The following COL24A1 variants were observed in gnomAD, a reference collection of about 807,000 sequenced individuals.
COL24A1 encodes collagen alpha-1(XXIV) chain.
Under a neutral mutation model 253.9 loss-of-function variants are expected in COL24A1, and 224 were observed. The ratio of observed to expected loss-of-function variants is 0.88; its 90% CI spans 0.79 to 0.99. The LOEUF (loss-of-function observed/expected upper bound fraction) is 0.99, where lower values mean the gene tolerates loss of function less well. Ranked by LOEUF, COL24A1 falls within the 50% of genes least tolerant of loss-of-function variation. The pLI is 0.00. For missense variants in COL24A1, 2,131 were observed against 2,068.5 expected, an observed-to-expected ratio of 1.03 and a Z score of -0.59; for synonymous variants, 685 against 673.7, an observed-to-expected ratio of 1.02 and a Z score of -0.26.
chr1:85,854,225 T>C (rs1384940453), intron 37 of COL24A1, among the ~76,000 whole-genome samples: 1 of 152,218 alleles, frequency 6.6e-6, no homozygotes, highest in Non-Finnish European at 1.5e-5. Context: ...TAGGGTAAAC[T>C]TTCCCCATTG....
intron 1 of COL24A1, among the ~76,000 whole-genome samples, chr1:86,152,632 GCAAGGGAGATAAATGCTTA>G (rs1465885835): frequency 6.6e-6 from 1 of 152,188 alleles, no homozygotes; most frequent in Non-Finnish European, 1.5e-5. Flanking sequence ...TTCATGCAGT[GCAAGGGAGATAAATGCTTA>G]AGAACTTCAT....
At chr1:85,935,001 C>A (rs1444496702) in intron 24 of COL24A1, among the ~76,000 whole-genome samples, 2 of 151,398 alleles carry the variant, frequency 1.3e-5, no homozygotes, top group Non-Finnish European at 2.9e-5. Flanking sequence ...GTTTCAAGAT[C>A]CAGACAACCA....
chr1:85,924,423 A>G (rs527548715), intron 24 of COL24A1, among the ~76,000 whole-genome samples: 9 of 152,360 alleles, frequency 5.9e-5, no homozygotes, highest in African/African-American at 1.7e-4. Context: ...AATCCTCAAT[A>G]AAATACTTTC....
intron 28 of COL24A1, among the ~76,000 whole-genome samples, chr1:85,901,408 T>G (rs1483882895): frequency 6.6e-6 from 1 of 152,146 alleles, no homozygotes; most frequent in African/African-American, 2.4e-5. Context: ...TCAATAGCTA[T>G]TGGCCAGGAT....
intron 22 of COL24A1, among the ~76,000 whole-genome samples, chr1:85,966,403 T>C (rs1691577333): frequency 6.6e-6 from 1 of 152,124 alleles, no homozygotes; most frequent in Non-Finnish European, 1.5e-5. Flanking sequence ...AAATTCTTTC[T>C]AATCAGTAGA....
chr1:85,954,747 T>C (rs78444472), intron 24 of COL24A1, among the ~76,000 whole-genome samples: 2 of 152,148 alleles, frequency 1.3e-5, no homozygotes, highest in Non-Finnish European at 2.9e-5. Context: ...ATAGAAGGTA[T>C]ACAACAGCTT....
chr1:85,877,417 C>T (rs529418123), intron 32 of COL24A1, among the ~76,000 whole-genome samples: 3 of 152,274 alleles, frequency 2.0e-5, no homozygotes, highest in Admixed American at 6.5e-5. Context: ...GGCTGAAGTG[C>T]AATGGTGCAG....
At chr1:85,852,098 G>A (rs1677833623) in intron 37 of COL24A1, among the ~76,000 whole-genome samples, 1 of 151,914 alleles carries the variant, frequency 6.6e-6, no homozygotes, top group Non-Finnish European at 1.5e-5. Flanking sequence ...TGCGGGGTGT[G>A]TGTTTGTGTG....
chr1:86,099,300 G>A (rs12135627), intron 5 of COL24A1, among the ~76,000 whole-genome samples: 4,564 of 152,096 alleles, frequency 0.03, 115 homozygotes, highest in Non-Finnish European at 0.043. Context: ...GAGAAGAAAG[G>A]TTTATAATCA....
intron 8 of COL24A1, among the ~76,000 whole-genome samples, chr1:86,059,898 A>C (rs1269437744): frequency 6.6e-6 from 1 of 152,164 alleles, no homozygotes; most frequent in African/African-American, 2.4e-5. Context: ...TCTGTAATCC[A>C]AAAGATAGCC....
At chr1:85,830,920 T>C (rs1326306381) in intron 43 of COL24A1, among the ~76,000 whole-genome samples, 4 of 152,160 alleles carry the variant, frequency 2.6e-5, no homozygotes, top group Admixed American at 6.6e-5. Flanking sequence ...ACCGGAGCTG[T>C]TCTTATTTGG....
chr1:86,006,574 G>T (rs1326849216), intron 19 of COL24A1, among the ~76,000 whole-genome samples: 3 of 152,080 alleles, frequency 2.0e-5, no homozygotes, highest in Non-Finnish European at 4.4e-5. Context: ...GATAATACAG[G>T]AGAAAATCTA....
At chr1:85,963,228 T>C (rs1392314193) in intron 23 of COL24A1, among the ~76,000 whole-genome samples, 4 of 152,176 alleles carry the variant, frequency 2.6e-5, no homozygotes, top group Non-Finnish European at 5.9e-5. Context: ...TCAGTTTCTG[T>C]ATGTATTTAG....
intron 43 of COL24A1, among the ~76,000 whole-genome samples, chr1:85,824,531 ACG>A (rs1674007029): frequency 6.6e-6 from 1 of 152,090 alleles, no homozygotes; most frequent in Non-Finnish European, 1.5e-5. Context: ...AACTATTTGG[ACG>A]GTAGATTTAC....
chr1:85,838,568 G>A lies in COL24A1; in HGVS notation c.3681+17C>T. Reference sequence around the variant, plus strand: ...CCCTATTTAAATTCATTAGTAAGGGGTATAACTTGCAATTACCTTATATCC... The same window carrying A: ...CCCTATTTAAATTCATTAGTAAGGGATATAACTTGCAATTACCTTATATCC... On this transcript the variant is annotated intron_variant, in intron 43 of 59. Coordinates refer to ENST00000370571, the MANE Select transcript of COL24A1 (RefSeq NM_152890.7). 1.9e-6 allele frequency: 3 copies of A among 1,608,476 alleles called. No homozygotes were observed. Among genetic ancestry groups the A allele is most frequent in the Non-Finnish European group, 2.6e-6 (3 of 1,175,006 alleles).
intron 14 of COL24A1, among the ~76,000 whole-genome samples, chr1:86,025,052 A>G (rs1697893788): frequency 6.6e-6 from 1 of 152,142 alleles, no homozygotes; most frequent in South Asian, 2.1e-4. Context: ...AAAATAAAGA[A>G]CTATAAAGTA....
intron 32 of COL24A1, among the ~76,000 whole-genome samples, chr1:85,888,631 A>G (rs1682779689): frequency 2.0e-5 from 3 of 152,076 alleles, no homozygotes. Flanking sequence ...TAGGGAGAAA[A>G]CCAAGAAGGA....
intron 24 of COL24A1, among the ~76,000 whole-genome samples, chr1:85,952,488 G>C (rs1330416958): frequency 6.6e-6 from 1 of 152,212 alleles, no homozygotes; most frequent in African/African-American, 2.4e-5. Flanking sequence ...GAGAGTAAGA[G>C]TTGAAGAAAT....
In COL24A1 at chr1:85,970,283, A is replaced by G. The variant is rs933516262; in HGVS notation, c.2419-12T>C. On this transcript the variant is annotated splice_polypyrimidine_tract_variant and intron_variant, in intron 21 of 59. Coordinates refer to ENST00000370571, the MANE Select transcript of COL24A1 (RefSeq NM_152890.7). ...GGTCCTTCTTCTCCCTTAAAAAAAAAAAAAGTCAGAACATATTATGGCCTA... is the reference window on the plus strand; with the variant it reads ...GGTCCTTCTTCTCCCTTAAAAAAAAGAAAAGTCAGAACATATTATGGCCTA... The G allele has an allele frequency of 2.5e-6, 4 of 1,586,602 alleles. No individual in the cohort carries two copies. In the African/African-American group the frequency reaches 4.1e-5, roughly 16 times the overall value.
Sources: gnomAD v4.1 joint callset for allele counts (sites outside exome capture counted in the v4.1 genomes callset) on GRCh38, gnomAD v4.1.1 for gene constraint, MANE v1.5 for transcripts, NCBI Gene and HGNC (gene_info 2026-07-23, HGNC 2026-07-21) for gene names.